Variants in SHANK2 observed in about 807,000 individuals in gnomAD.
SHANK2 encodes SH3 and multiple ankyrin repeat domains protein 2.
Under a neutral mutation model 133.7 loss-of-function variants are expected in SHANK2, and 43 were observed. The ratio of observed to expected loss-of-function variants is 0.32; its 90% CI spans 0.25 to 0.41. SHANK2 has a LOEUF of 0.41. Among genes scored for constraint, SHANK2 ranks in the 10% least tolerant of loss-of-function variants. The pLI, the probability that SHANK2 is intolerant of heterozygous loss-of-function variation, is 1.00. For missense variants in SHANK2, 1,994 were observed against 2,235.8 expected (o/e 0.89, Z 2.18); for synonymous variants, 1,017 against 952.8 (o/e 1.07, Z -1.24).
At position 70,742,341 on chromosome 11, in the gene SHANK2, C is replaced by T. The variant is rs574067008; in HGVS notation, c.1778-43578G>A. Among the ~76,000 whole-genome samples the T allele has an allele frequency of 1.2e-4, 18 of 152,262 alleles. 1 individual carries two copies. In the South Asian group the frequency reaches 2.5e-3, roughly 21 times the overall value. ...GACCCTATTGTCTCTTGGTTTCTACCGACTGCTCTTGAACCCACAGGGTGA... is the reference window on the plus strand; with the variant it reads ...GACCCTATTGTCTCTTGGTTTCTACTGACTGCTCTTGAACCCACAGGGTGA... On this transcript the variant is annotated intron_variant, in intron 14 of 25. Transcript: ENST00000601538.
At chr11:70,881,165 G>C (rs961988959) in intron 11 of SHANK2, among the ~76,000 whole-genome samples, 2 of 152,142 alleles carry the variant, frequency 1.3e-5, no homozygotes, top group Admixed American at 6.5e-5. Flanking sequence ...AGCCTCCTGA[G>C]TGGTTGGGAT....
At chr11:70,942,603 G>A (rs1555084576) in intron 10 of SHANK2, 1 of 456,826 alleles carries the variant, frequency 2.2e-6, no homozygotes, top group Non-Finnish European at 4.4e-6. Flanking sequence ...CCATAGCACA[G>A]ACCTAGCAGA....
intron 15 of SHANK2, among the ~76,000 whole-genome samples, chr11:70,678,254 C>A (rs139567370): frequency 0.022 from 3,280 of 152,142 alleles, 126 homozygotes; most frequent in African/African-American, 0.076. Flanking sequence ...TCAAGCAATT[C>A]TTCTGCCTCG....
At chr11:71,136,065 G>A (rs530651251) in intron 3 of SHANK2, among the ~76,000 whole-genome samples, 53 of 152,228 alleles carry the variant, frequency 3.5e-4, no homozygotes, top group African/African-American at 1.2e-3. Context: ...TGGTTGCGAC[G>A]GCTGAATCAA....
intron 8 of SHANK2, among the ~76,000 whole-genome samples, chr11:71,078,858 A>G (rs1951254677): frequency 6.6e-6 from 1 of 152,268 alleles, no homozygotes. Context: ...TGCTTTGGGT[A>G]CACTGCCTCT....
At chr11:70,578,513 C>T (rs185667474) in intron 17 of SHANK2, among the ~76,000 whole-genome samples, 67 of 152,272 alleles carry the variant, frequency 4.4e-4, no homozygotes, top group East Asian at 2.9e-3. Flanking sequence ...GTGGCCACGA[C>T]GGGCTCCGGA....
At chr11:70,843,436 G>A (rs532589800) in intron 11 of SHANK2, among the ~76,000 whole-genome samples, 5 of 152,062 alleles carry the variant, frequency 3.3e-5, no homozygotes, top group South Asian at 2.1e-4. Flanking sequence ...GCTGAAATTC[G>A]TATTGTGAGG....
At position 70,535,609 on chromosome 11, in the gene SHANK2, G is replaced by A. The variant is rs1554974043; in HGVS notation, c.2062-32678C>T. 3.9e-5 allele frequency among the ~76,000 whole-genome samples: 6 copies of A among 152,230 alleles called. No homozygotes were observed. ...TGGTGCATCTCATGTCTGTCAGGTT[G>A]CCTCTGTGAGGTCAAGTGTTGTGCT... On this transcript the variant is annotated intron_variant, in intron 17 of 25. Coordinates refer to ENST00000601538, the MANE Select transcript of SHANK2 (RefSeq NM_012309.5). The surrounding 1 kb of genome is among the most constrained non-coding windows in gnomAD (Gnocchi z 4.3).
chr11:70,599,905 G>GAAAGAAAGAAAA lies in SHANK2; in HGVS notation c.2061+59922_2061+59923insTTTTCTTTCTTT, dbSNP rs1466206835. Reference sequence around the variant, plus strand: ...AAAGAAAGAAAAAGAAAGAAAGAAAGAGAAAGAAAGAAAGAAAGAAAGAAA... The same window carrying GAAAGAAAGAAAA: ...AAAGAAAGAAAAAGAAAGAAAGAAAGAAAGAAAGAAAAAGAAAGAAAGAAAGAAAGAAAGAAA... On this transcript the variant is annotated intron_variant, in intron 17 of 25. Coordinates refer to ENST00000601538, the MANE Select transcript of SHANK2 (RefSeq NM_012309.5). 2.9e-3 allele frequency among the ~76,000 whole-genome samples: 210 copies of GAAAGAAAGAAAA among 73,652 alleles called. 1 individual carries two copies. The highest frequency in any genetic ancestry group is 7.5e-3 in the African/African-American group (124 of 16,480). 48.3% of individuals were successfully genotyped at this position (73,652 alleles called of 152,430 possible).
At chr11:71,083,507 G>T (rs1461843139) in intron 8 of SHANK2, among the ~76,000 whole-genome samples, 2 of 152,170 alleles carry the variant, frequency 1.3e-5, no homozygotes, top group African/African-American at 4.8e-5. Flanking sequence ...AGGTGAGCCA[G>T]CGAGCGATGA....
chr11:71,168,024 C>T (rs1370416506), intron 2 of SHANK2, among the ~76,000 whole-genome samples: 1 of 135,904 alleles, frequency 7.4e-6, no homozygotes, highest in Admixed American at 7.0e-5. Context: ...CCTCACTTCT[C>T]AGACGGGGCG....
At chr11:71,171,196 C>A (rs1028621085) in intron 2 of SHANK2, among the ~76,000 whole-genome samples, 2 of 152,242 alleles carry the variant, frequency 1.3e-5, no homozygotes, top group African/African-American at 4.8e-5. Flanking sequence ...TGTATACAGA[C>A]ACATGCGGGT....
intron 8 of SHANK2, among the ~76,000 whole-genome samples, chr11:71,077,198 C>T (rs1261511942): frequency 6.6e-6 from 1 of 152,152 alleles, no homozygotes; most frequent in Non-Finnish European, 1.5e-5. Context: ...ATTTGGCACT[C>T]CCCAAAGGAC....
chr11:71,067,902 C>T (rs1481754330), intron 9 of SHANK2, among the ~76,000 whole-genome samples: 1 of 151,506 alleles, frequency 6.6e-6, no homozygotes, highest in East Asian at 1.9e-4. Flanking sequence ...ACCACTACCA[C>T]TATCATCATC....
At chr11:71,235,467 A>G (rs137855299) in intron 1 of SHANK2, among the ~76,000 whole-genome samples, 14,379 of 151,858 alleles carry the variant, frequency 0.095, 699 homozygotes, top group Middle Eastern at 0.14. Context: ...GGTGACATGC[A>G]CCTGTAATCC....
At chr11:71,085,997 G>T in intron 8 of SHANK2, among the ~76,000 whole-genome samples, 1 of 77,688 alleles carries the variant, frequency 1.3e-5, no homozygotes, top group African/African-American at 5.3e-5. Flanking sequence ...ATTATATTAT[G>T]TTATATATTA....
chr11:70,536,902 C>A (rs938745447), intron 17 of SHANK2, among the ~76,000 whole-genome samples: 13 of 152,200 alleles, frequency 8.5e-5, no homozygotes, highest in African/African-American at 3.1e-4. Context: ...CCCAGTGTCT[C>A]TTGGTGAAGG....
chr11:70,696,168 T>C (rs1025318401), intron 15 of SHANK2, among the ~76,000 whole-genome samples: 7 of 152,162 alleles, frequency 4.6e-5, no homozygotes, highest in African/African-American at 1.7e-4. Flanking sequence ...CCTTCTAGTA[T>C]GGGGAGCTCA....
chr11:70,865,514 T>C (rs565177310), intron 11 of SHANK2, among the ~76,000 whole-genome samples: 1 of 152,248 alleles, frequency 6.6e-6, no homozygotes, highest in South Asian at 2.1e-4. Context: ...GGTGCCGGAA[T>C]GGCCAGGCTG....
Sources: gnomAD v4.1 joint callset for allele counts (sites outside exome capture counted in the v4.1 genomes callset) on GRCh38, gnomAD v4.1.1 for gene constraint, Gnocchi (gnomAD v3.1) non-coding constraint, MANE v1.5 for transcripts, NCBI Gene and HGNC (gene_info 2026-07-23, HGNC 2026-07-21) for gene names.